Variants in COL5A2 observed in about 807,000 individuals in gnomAD.
COL5A2 encodes the protein collagen alpha-2(V) chain.
COL5A2 carries 23 observed loss-of-function variants against 208.2 expected under a neutral mutation model. The ratio of observed to expected loss-of-function variants is 0.11; its 90% CI spans 0.08 to 0.16. The LOEUF is 0.16. COL5A2 is among the 10% of genes least tolerant of loss of function. The pLI, the probability that COL5A2 is intolerant of heterozygous loss-of-function variation, is 1.00. For missense variants in COL5A2, 1,590 were observed against 1,956.4 expected (o/e 0.81, Z 3.53); for synonymous variants, 625 against 628.5 (o/e 0.99, Z 0.08).
At chr2:189,301,798 CTTTT>C in the COL5A2 span, among the ~76,000 whole-genome samples, 2 of 152,084 alleles carry the variant, frequency 1.3e-5, no homozygotes, top group African/African-American at 4.8e-5. Flanking sequence ...TTGTATCTTT[CTTTT>C]GTTAGAAAAC....
chr2:189,079,324 A>C (rs2105633375), intron 14 of COL5A2, among the ~76,000 whole-genome samples: 1 of 152,336 alleles, frequency 6.6e-6, no homozygotes, highest in South Asian at 2.1e-4. Flanking sequence ...TGGGGACTTA[A>C]GATTGACGGA....
intron 23 of COL5A2, among the ~76,000 whole-genome samples, chr2:189,065,305 A>T (rs1011853598): frequency 4.6e-5 from 7 of 152,146 alleles, no homozygotes; most frequent in South Asian, 4.1e-4. Flanking sequence ...CAAGGCAGGC[A>T]GATCACCTGA....
At chr2:189,116,722 C>T (rs1341228696) in intron 1 of COL5A2, among the ~76,000 whole-genome samples, 1 of 152,150 alleles carries the variant, frequency 6.6e-6, no homozygotes, top group Non-Finnish European at 1.5e-5. Flanking sequence ...CAAATTATTA[C>T]TTTTTCTGTG....
chr2:189,202,855 A>G (rs893373873), intron 1 of COL5A2, among the ~76,000 whole-genome samples: 2 of 152,178 alleles, frequency 1.3e-5, no homozygotes, highest in Non-Finnish European at 2.9e-5. Flanking sequence ...TTCACTACCT[A>G]TTAAACTTTC....
At chr2:189,223,264 A>G (rs1689370227) in intron 1 of COL5A2, among the ~76,000 whole-genome samples, 1 of 152,118 alleles carries the variant, frequency 6.6e-6, no homozygotes, top group Non-Finnish European at 1.5e-5. Context: ...CCTCCAGACT[A>G]TCTCACTTAT....
chr2:189,209,454 T>C (rs1689184307), intron 1 of COL5A2, among the ~76,000 whole-genome samples: 2 of 152,226 alleles, frequency 1.3e-5, no homozygotes, highest in Non-Finnish European at 2.9e-5. Flanking sequence ...CTAAGTTCCA[T>C]AATCCCCATG....
At chr2:189,436,093 C>G in the COL5A2 span, among the ~76,000 whole-genome samples, 2 of 152,080 alleles carry the variant, frequency 1.3e-5, no homozygotes, top group African/African-American at 4.8e-5. Context: ...AACCAAACAC[C>G]GCATGTTCTC....
chr2:189,330,272 C>T, the COL5A2 span, among the ~76,000 whole-genome samples: 7 of 152,096 alleles, frequency 4.6e-5, no homozygotes, highest in Non-Finnish European at 7.3e-5. Context: ...CTCTGAGCCA[C>T]GCTGGGCCAT....
chr2:189,111,437 A>G (rs559059892), intron 1 of COL5A2, among the ~76,000 whole-genome samples: 48 of 152,306 alleles, frequency 3.2e-4, no homozygotes, highest in African/African-American at 1.1e-3. Flanking sequence ...TATAAAGGCT[A>G]AAGACCTTCT....
At chr2:189,158,474 A>C (rs1411018177) in intron 1 of COL5A2, among the ~76,000 whole-genome samples, 1 of 152,098 alleles carries the variant, frequency 6.6e-6, no homozygotes, top group African/African-American at 2.4e-5. Context: ...AGTACAATTT[A>C]AGTCAAATAT....
rs1003504946 is a variant in COL5A2 at position 189,064,104 on chromosome 2, A to G, written c.1717-71T>C. On this transcript the variant is annotated intron_variant, in intron 25 of 53. Transcript: ENST00000374866. Reference sequence around the variant, plus strand: ...GAAGTAAAGATTCTTAAGAGTAAAAATAGTGTTGCATTTTTGTCAACTGAA... The same window carrying G: ...GAAGTAAAGATTCTTAAGAGTAAAAGTAGTGTTGCATTTTTGTCAACTGAA... 3.2e-6 allele frequency: 4 copies of G among 1,252,954 alleles called. No individual in the cohort carries two copies. The Admixed American group carries it at 7.0e-5, about 22-fold the overall frequency. The allele number at this position is 1,252,954 out of a possible 1,614,324, so 77.6% of individuals were successfully genotyped here.
intron 1 of COL5A2, among the ~76,000 whole-genome samples, chr2:189,141,091 G>A (rs765663040): frequency 5.9e-5 from 9 of 152,128 alleles, no homozygotes; most frequent in Non-Finnish European, 8.8e-5. Context: ...TTTCAGTGAG[G>A]TATTCTGGGA....
chr2:189,405,948 C>T, the COL5A2 span, among the ~76,000 whole-genome samples: 3 of 152,158 alleles, frequency 2.0e-5, no homozygotes, highest in Admixed American at 2.0e-4. Flanking sequence ...TCCCCGTTTT[C>T]TATTTAAAGC....
At chr2:189,193,473 G>T (rs1688955921) in intron 1 of COL5A2, among the ~76,000 whole-genome samples, 1 of 152,140 alleles carries the variant, frequency 6.6e-6, no homozygotes, top group Non-Finnish European at 1.5e-5. Context: ...AATGATCTTT[G>T]TTGATGGAAC....
chr2:189,339,437 C>T, the COL5A2 span, among the ~76,000 whole-genome samples: 1 of 151,894 alleles, frequency 6.6e-6, no homozygotes, highest in Non-Finnish European at 1.5e-5. Flanking sequence ...TTTCCAGCTT[C>T]ACTTGATGCT....
chr2:189,323,270 A>G, the COL5A2 span, among the ~76,000 whole-genome samples: 6 of 152,174 alleles, frequency 3.9e-5, no homozygotes, highest in African/African-American at 1.4e-4. Context: ...CAAGACAGGG[A>G]TGCCCTCTCT....
intron 1 of COL5A2, among the ~76,000 whole-genome samples, chr2:189,216,730 C>T (rs1689283499): frequency 6.6e-6 from 1 of 152,074 alleles, no homozygotes; most frequent in African/African-American, 2.4e-5. Context: ...ATTATCTAGG[C>T]TTTCTCAGTC....
At chr2:189,269,906 T>G in the COL5A2 span, among the ~76,000 whole-genome samples, 1 of 152,180 alleles carries the variant, frequency 6.6e-6, no homozygotes, top group Non-Finnish European at 1.5e-5. Flanking sequence ...CTGCTTCAAC[T>G]TCAGAACTTG....
the COL5A2 span, among the ~76,000 whole-genome samples, chr2:189,332,919 A>G: frequency 1.3e-5 from 2 of 152,236 alleles, no homozygotes; most frequent in Non-Finnish European, 2.9e-5. Context: ...CAATTAATGT[A>G]AAAATCCTCA....
Sources: allele counts gnomAD v4.1 joint callset (sites outside exome capture counted in the v4.1 genomes callset), GRCh38; gene constraint gnomAD v4.1.1; transcripts MANE v1.5; gene names NCBI Gene and HGNC (gene_info 2026-07-23, HGNC 2026-07-21).